The following OSBPL10 variants were observed in gnomAD, a reference collection of about 807,000 sequenced individuals.
OSBPL10 encodes the protein oxysterol-binding protein-related protein 10.
In OSBPL10, 49 loss-of-function variants were observed where a neutral mutation model predicts 81.7. The observed-to-expected ratio is 0.60, with a 90% CI of 0.48 to 0.76. The LOEUF (loss-of-function observed/expected upper bound fraction) is 0.76, where lower values mean the gene tolerates loss of function less well. Among genes scored for constraint, OSBPL10 ranks in the 30% least tolerant of loss-of-function variants. The pLI, the probability that OSBPL10 is intolerant of heterozygous loss-of-function variation, is 0.00. For synonymous variants in OSBPL10, 419 were observed against 383.6 expected (o/e 1.09, Z -1.08); for missense variants, 923 against 987.8 (o/e 0.93, Z 0.88).
rs191238105 is a variant in OSBPL10 at position 31,956,465 on chromosome 3, T to A, written c.281+24434A>T. Among the ~76,000 whole-genome samples the A allele has an allele frequency of 2.6e-5, 4 of 152,300 alleles. No homozygotes were observed. The East Asian group carries it at 5.8e-4, about 22-fold the overall frequency. On this transcript the variant is annotated intron_variant, in intron 1 of 11. Transcript: ENST00000396556. ...CGGGCATGGTGGCTCACCCCTGTAA[T>A]CCCAGCATTTTGGGAGGCCGAGGCA...
chr3:31,735,835 T>C (rs1416566326), intron 5 of OSBPL10, among the ~76,000 whole-genome samples: 1 of 152,126 alleles, frequency 6.6e-6, no homozygotes, highest in Admixed American at 6.5e-5. Flanking sequence ...CTTAGCACTG[T>C]CTGAACTCAC....
chr3:31,818,144 T>C (rs566920378), intron 4 of OSBPL10, among the ~76,000 whole-genome samples: 1 of 152,154 alleles, frequency 6.6e-6, no homozygotes, highest in East Asian at 1.9e-4. Flanking sequence ...CACATGTTTC[T>C]GTGAGGGTGC....
At chr3:31,850,882 C>T (rs978486426) in intron 3 of OSBPL10, among the ~76,000 whole-genome samples, 2 of 152,116 alleles carry the variant, frequency 1.3e-5, no homozygotes, top group African/African-American at 4.8e-5. Flanking sequence ...AGGTCAAGGC[C>T]AATGATAGAA....
chr3:31,744,495 G>A (rs547804487), intron 5 of OSBPL10, among the ~76,000 whole-genome samples: 3 of 134,926 alleles, frequency 2.2e-5, no homozygotes, highest in South Asian at 2.5e-4. Flanking sequence ...CCGAGATCGC[G>A]TCACTGCACT....
chr3:32,074,405 G>A lies in OSBPL10; in HGVS notation n.185+2991C>T, dbSNP rs187365904. ...GAATCCCTTTAGGCAACCTTCCACT[G>A]TCCAAATGTTCCTTTACTCTTTATC... On this transcript the variant is annotated intron_variant and non_coding_transcript_variant, in intron 1 of 3. Coordinates refer to the OSBPL10 transcript ENST00000479173. Among the ~76,000 whole-genome samples the A allele has an allele frequency of 3.9e-5, 6 of 152,186 alleles. No individual in the cohort carries two copies. In the East Asian group the frequency reaches 1.2e-3, roughly 29 times the overall value.
chr3:31,721,851 A>G (rs1696654703), intron 6 of OSBPL10, among the ~76,000 whole-genome samples: 1 of 152,214 alleles, frequency 6.6e-6, no homozygotes, highest in Non-Finnish European at 1.5e-5. Flanking sequence ...GCGATATATG[A>G]TCTCACATAA....
intron 4 of OSBPL10, among the ~76,000 whole-genome samples, chr3:31,771,325 T>C (rs1368108328): frequency 6.6e-6 from 1 of 152,180 alleles, no homozygotes; most frequent in African/African-American, 2.4e-5. Flanking sequence ...CAGGCAGGCC[T>C]CCATGACAAC....
chr3:32,070,704 G>C (rs992479419), intron 1 of OSBPL10, among the ~76,000 whole-genome samples: 2 of 152,168 alleles, frequency 1.3e-5, no homozygotes, highest in Admixed American at 6.5e-5. Flanking sequence ...AAGTCTTACA[G>C]GTTAGTTCAG....
chr3:31,997,708 T>C (rs2125528522), intron 2 of OSBPL10, among the ~76,000 whole-genome samples: 1 of 152,212 alleles, frequency 6.6e-6, no homozygotes, highest in South Asian at 2.1e-4. Flanking sequence ...AGATGGGAGA[T>C]GGAACAGCTG....
intron 1 of OSBPL10, among the ~76,000 whole-genome samples, chr3:31,920,610 GCCA>G (rs1696886533): frequency 6.6e-6 from 1 of 152,158 alleles, no homozygotes; most frequent in African/African-American, 2.4e-5. Context: ...GATGGTAGAG[GCCA>G]AGTGATATGG....
At chr3:31,667,687 C>T (rs1336940953) in intron 10 of OSBPL10, among the ~76,000 whole-genome samples, 1 of 152,196 alleles carries the variant, frequency 6.6e-6, no homozygotes, top group Non-Finnish European at 1.5e-5. Context: ...TTAGGCTTTG[C>T]AGGCCATATG....
At chr3:31,914,347 G>C (rs1023654636) in intron 1 of OSBPL10, among the ~76,000 whole-genome samples, 19 of 152,342 alleles carry the variant, frequency 1.2e-4, no homozygotes, top group African/African-American at 4.6e-4. Context: ...TTGGGAAACT[G>C]AGCCAAAATA....
chr3:31,895,564 G>A (rs763522420), intron 1 of OSBPL10, among the ~76,000 whole-genome samples: 10 of 152,156 alleles, frequency 6.6e-5, no homozygotes, highest in Non-Finnish European at 1.5e-4. Context: ...TGCAGTCAAC[G>A]TGGAGAATCT....
chr3:31,811,575 A>T (rs151268662), intron 4 of OSBPL10, among the ~76,000 whole-genome samples: 1 of 152,256 alleles, frequency 6.6e-6, no homozygotes, highest in Non-Finnish European at 1.5e-5. Flanking sequence ...CAGGAAAAAG[A>T]AACAGTTCCT....
chr3:31,807,779 T>C (rs1699560312), intron 4 of OSBPL10, among the ~76,000 whole-genome samples: 1 of 151,958 alleles, frequency 6.6e-6, no homozygotes, highest in Non-Finnish European at 1.5e-5. Flanking sequence ...GATCATGGTG[T>C]TATGGAGCAG....
intron 4 of OSBPL10, among the ~76,000 whole-genome samples, chr3:31,794,029 G>T (rs1270371177): frequency 6.6e-6 from 1 of 152,256 alleles, no homozygotes; most frequent in African/African-American, 2.4e-5. Context: ...AGGGCGCTGG[G>T]TTGGCACAGT....
chr3:31,704,974 C>G (rs1394354851), intron 6 of OSBPL10: 1 of 152,298 alleles, frequency 6.6e-6, no homozygotes, highest in Non-Finnish European at 1.5e-5. Flanking sequence ...CACATGCCCT[C>G]TGTGTCTGAC....
At chr3:31,891,992 C>T (rs1250559090) in intron 1 of OSBPL10, among the ~76,000 whole-genome samples, 9 of 151,980 alleles carry the variant, frequency 5.9e-5, no homozygotes, top group Middle Eastern at 3.2e-3. Flanking sequence ...CCTATTCTAA[C>T]GGGGGAGGGA....
At chr3:31,983,517 A>G (rs934356832), upstream of OSBPL10, among the ~76,000 whole-genome samples, 9 of 152,230 alleles carry the variant, frequency 5.9e-5, no homozygotes, top group African/African-American at 1.4e-4. Flanking sequence ...AGTCAAGGCC[A>G]GGATGGGGCA....
Sources: gnomAD v4.1 joint callset for allele counts (sites outside exome capture counted in the v4.1 genomes callset) on GRCh38, gnomAD v4.1.1 for gene constraint, MANE v1.5 for transcripts, NCBI Gene and HGNC (gene_info 2026-07-23, HGNC 2026-07-21) for gene names.